The following COL10A1 variants were observed in gnomAD, a reference collection of about 807,000 sequenced individuals.
COL10A1 encodes the protein collagen alpha-1(X) chain.
A neutral mutation model predicts 18.2 loss-of-function variants in COL10A1; 10 were observed. The ratio of observed to expected loss-of-function variants is 0.55; its 90% CI spans 0.34 to 0.93. COL10A1 has a LOEUF of 0.93. Ranked by LOEUF, COL10A1 falls within the 40% of genes least tolerant of loss-of-function variation. COL10A1 has a pLI of 0.02. For synonymous variants in COL10A1, 330 were observed against 316.6 expected, an observed-to-expected ratio of 1.04 and a Z score of -0.45; for missense variants, 897 against 853.5, an observed-to-expected ratio of 1.05 and a Z score of -0.64.
At chr6:116,194,024 G>A in the COL10A1 span, among the ~76,000 whole-genome samples, 1 of 151,962 alleles carries the variant, frequency 6.6e-6, no homozygotes, top group African/African-American at 2.4e-5. Flanking sequence ...TCCAGCCTGG[G>A]CAACAGAGTG....
the COL10A1 span, among the ~76,000 whole-genome samples, chr6:116,212,928 T>C: frequency 6.6e-6 from 1 of 152,178 alleles, no homozygotes; most frequent in Non-Finnish European, 1.5e-5. Flanking sequence ...TGTAAATTTA[T>C]ATGCAGTAGA....
chr6:116,132,364 T>C (rs898550407), intron 1 of COL10A1, among the ~76,000 whole-genome samples: 1 of 152,194 alleles, frequency 6.6e-6, no homozygotes, highest in Non-Finnish European at 1.5e-5. Flanking sequence ...GCTTAGACCA[T>C]TTCTCTAGCC....
chr6:116,178,082 TGTGTGTGCGCGCGCGCGCGCGTGCGTGC>T, the COL10A1 span, among the ~76,000 whole-genome samples: 18 of 107,306 alleles, frequency 1.7e-4, no homozygotes, highest in African/African-American at 6.7e-4. Context: ...TGTGTGTGTG[TGTGTGTGCGCGCGCGCGCGCGTGCGTGC>T]GTGTGTGTGT....
At chr6:116,135,458 A>G (rs1351726750) in intron 1 of COL10A1, among the ~76,000 whole-genome samples, 1 of 151,774 alleles carries the variant, frequency 6.6e-6, no homozygotes. Context: ...TTCTCTAGAT[A>G]ATATTGGTAG....
In COL10A1 at chr6:116,134,568, G is replaced by A. The variant is rs533041503; in HGVS notation, c.-15-9061C>T. 3.9e-5 allele frequency among the ~76,000 whole-genome samples: 6 copies of A among 152,262 alleles called. No individual in the cohort carries two copies. The East Asian group carries it at 1.2e-3, about 29-fold the overall frequency. On this transcript the variant is annotated intron_variant, in intron 1 of 1. Coordinates refer to the COL10A1 transcript ENST00000418500. ...TCAGATTTCCATGTTTATTGAGGTG[G>A]ATGGTTTGCCTCATGCTTGTGGATG...
In COL10A1 at chr6:116,119,255, A is replaced by G. The variant is rs535216842; in HGVS notation, c.*818T>C. 6.5e-6 allele frequency: 1 copy of G among 152,806 alleles called. No homozygotes were observed. The highest frequency in any genetic ancestry group is 1.5e-5 in the Non-Finnish European group (1 of 68,036). 9.5% of individuals were successfully genotyped at this position (152,806 alleles called of 1,614,324 possible). A position where few individuals can be genotyped will look rare whatever the true frequency, so the allele number is the denominator to read the frequency against. On this transcript the variant is annotated 3_prime_UTR_variant, in exon 3 of 3. Transcript: ENST00000651968. ...ACATGTGCTAATGTTCTGTAAATCCAGAAAATCATATCACATAAGATTCAA... is the reference window on the plus strand; with the variant it reads ...ACATGTGCTAATGTTCTGTAAATCCGGAAAATCATATCACATAAGATTCAA...
the COL10A1 span, among the ~76,000 whole-genome samples, chr6:116,188,258 A>G: frequency 6.6e-6 from 1 of 152,120 alleles, no homozygotes; most frequent in African/African-American, 2.4e-5. Context: ...TAAATTGTTG[A>G]GTTGGTTTTG....
At chr6:116,131,810 T>A (rs182031526) in intron 1 of COL10A1, among the ~76,000 whole-genome samples, 1 of 152,272 alleles carries the variant, frequency 6.6e-6, no homozygotes, top group Admixed American at 6.5e-5. Context: ...TTTTTCCTAA[T>A]CCTCTTCCTC....
At chr6:116,147,448 GA>G (rs556565182) in intron 1 of COL10A1, among the ~76,000 whole-genome samples, 41 of 138,870 alleles carry the variant, frequency 3.0e-4, no homozygotes, top group African/African-American at 9.6e-4. Context: ...TCTCAAAAAA[GA>G]AAAAAAAAAT....
chr6:116,166,778 A>G, the COL10A1 span, among the ~76,000 whole-genome samples: 1 of 152,226 alleles, frequency 6.6e-6, no homozygotes, highest in Non-Finnish European at 1.5e-5. Flanking sequence ...TAAATTATGT[A>G]AGAGATAAAA....
chr6:116,126,701 C>G (rs1045375085), upstream of COL10A1, among the ~76,000 whole-genome samples: 6 of 152,112 alleles, frequency 3.9e-5, no homozygotes, highest in Non-Finnish European at 8.8e-5. Context: ...TAAATGACTT[C>G]AGATTTTCTT....
intron 2 of COL10A1, among the ~76,000 whole-genome samples, chr6:116,123,447 A>G (rs771980384): frequency 2.0e-5 from 3 of 152,348 alleles, no homozygotes; most frequent in Middle Eastern, 6.8e-3. Context: ...ACTTCCTTCT[A>G]TTAAGTTTTT....
At chr6:116,121,998 G>A in intron 2 of COL10A1, 37 bp from the exon 3 acceptor site, 1 of 1,563,388 alleles carries the variant, frequency 6.4e-7, no homozygotes, top group Non-Finnish European at 8.8e-7. Flanking sequence ...CCATAGAAGG[G>A]GATGGTTAGT....
upstream of COL10A1, among the ~76,000 whole-genome samples, chr6:116,163,137 A>ATACAT (rs1554197055): frequency 1.8e-3 from 194 of 105,384 alleles, 7 homozygotes; most frequent in East Asian, 0.018. Context: ...AAAAAAAAAA[A>ATACAT]AAAAATATAT....
In COL10A1 at chr6:116,121,967, A is replaced by G. The variant is rs375384269; in HGVS notation, c.155-6T>C. On this transcript the variant is annotated splice_polypyrimidine_tract_variant and splice_region_variant and intron_variant, in intron 2 of 2. Transcript: ENST00000651968. ...CTCTCCTCTTACTGCTATACCTAAA[A>G]GACACACCCAACACACCCACCCATA... is the stretch of plus-strand genomic sequence containing the variant. 751 of 1,610,296 alleles carry G rather than the reference A, an allele frequency of 4.7e-4. 1 individual carries two copies. Among genetic ancestry groups the G allele is most frequent in the Non-Finnish European group, 5.9e-4 (693 of 1,179,782 alleles).
Position 116,119,375 on chromosome 6 carries a change from GCTT to G in COL10A1, c.*695_*697del, listed in dbSNP as rs1368470316. 6 of 152,398 alleles carry G rather than the reference GCTT, an allele frequency of 3.9e-5. No homozygotes were observed. The highest frequency in any genetic ancestry group is 3.9e-4 in the Admixed American group (6 of 15,280). 9.4% of individuals were successfully genotyped at this position (152,398 alleles called of 1,614,324 possible). A position where few individuals can be genotyped will look rare whatever the true frequency, so the allele number is the denominator to read the frequency against. On this transcript the variant is annotated 3_prime_UTR_variant, in exon 3 of 3. Coordinates refer to ENST00000651968, the MANE Select transcript of COL10A1 (RefSeq NM_000493.4). Reference sequence around the variant, plus strand: ...CCAAGTTATGCTGGGTATATAAAAAGCTTCTCTGCAATCATAGAAAAGTTTGAA... The same window carrying G: ...CCAAGTTATGCTGGGTATATAAAAAGCTCTGCAATCATAGAAAAGTTTGAA...
intron 2 of COL10A1, 80 bp downstream of exon 2, chr6:116,125,259 C>T: frequency 6.7e-7 from 1 of 1,496,544 alleles, no homozygotes. Flanking sequence ...AAGTTAAATG[C>T]ATTTTGTTAA....
At chr6:116,164,601 G>T in the COL10A1 span, among the ~76,000 whole-genome samples, 3 of 152,092 alleles carry the variant, frequency 2.0e-5, no homozygotes, top group African/African-American at 7.2e-5. Flanking sequence ...GTGAGGTTTT[G>T]TTCCTTGCCT....
At chr6:116,156,153 C>T (rs1780187762) in intron 1 of COL10A1, among the ~76,000 whole-genome samples, 1 of 152,008 alleles carries the variant, frequency 6.6e-6, no homozygotes, top group Non-Finnish European at 1.5e-5. Flanking sequence ...TCTCCTGTTC[C>T]CCATCATCTT....
Sources: allele counts gnomAD v4.1 joint callset (sites outside exome capture counted in the v4.1 genomes callset), GRCh38; gene constraint gnomAD v4.1.1; transcripts MANE v1.5; gene names NCBI Gene and HGNC (gene_info 2026-07-23, HGNC 2026-07-21).